Variants in NEB observed in about 807,000 individuals in gnomAD.
NEB encodes nemaline myopathy type 2.
In NEB, 512 loss-of-function variants were observed where a neutral mutation model predicts 952.2. The observed-to-expected ratio is 0.54, with a 90% CI of 0.50 to 0.58. The LOEUF (loss-of-function observed/expected upper bound fraction) is 0.58, where lower values mean the gene tolerates loss of function less well. Among genes scored for constraint, NEB ranks in the 20% least tolerant of loss-of-function variants. The pLI, the probability that NEB is intolerant of heterozygous loss-of-function variation, is 0.00. For missense variants in NEB, 8,428 were observed against 9,231.1 expected, an observed-to-expected ratio of 0.91 and a Z score of 3.56; for synonymous variants, 2,900 against 3,149.8, an observed-to-expected ratio of 0.92 and a Z score of 2.66.
chr2:151,504,505 T>C (rs2067231475), intron 165 of NEB, among the ~76,000 whole-genome samples: 1 of 152,166 alleles, frequency 6.6e-6, no homozygotes, highest in African/African-American at 2.4e-5. Flanking sequence ...AGGAAATCTG[T>C]ACCACAGAGT....
At chr2:151,492,048 C>T (rs1330210790) in intron 178 of NEB, 50 bp downstream of exon 178, 1 of 1,568,504 alleles carries the variant, frequency 6.4e-7, no homozygotes. Flanking sequence ...TTTTGTTCTT[C>T]TACCCCCTCA....
At chr2:151,695,073 C>A (rs1420150962) in intron 18 of NEB, among the ~76,000 whole-genome samples, 1 of 152,034 alleles carries the variant, frequency 6.6e-6, no homozygotes, top group Admixed American at 6.6e-5. Context: ...AAATTGAGAA[C>A]CCCAAGGATA....
chr2:151,647,711 T>C (rs1220482653), intron 54 of NEB, among the ~76,000 whole-genome samples: 1 of 152,210 alleles, frequency 6.6e-6, no homozygotes, highest in Non-Finnish European at 1.5e-5. Context: ...AACTGACCTA[T>C]GTTCTTTACG....
chr2:151,670,980 G>A (rs1246136727), intron 38 of NEB, 43 bp downstream of exon 38: 2 of 1,562,196 alleles, frequency 1.3e-6, no homozygotes, highest in Non-Finnish European at 1.8e-6. Context: ...TCAGACACGT[G>A]TGGTTATTTA....
At chr2:151,552,126 A>T (rs1476966781) in intron 128 of NEB, among the ~76,000 whole-genome samples, 1 of 152,182 alleles carries the variant, frequency 6.6e-6, no homozygotes, top group South Asian at 2.1e-4. Flanking sequence ...ATATTGACTT[A>T]CCAACCTGTG....
intron 58 of NEB, 137 bp downstream of exon 58, chr2:151,643,013 T>C: frequency 8.6e-7 from 1 of 1,166,378 alleles, no homozygotes; most frequent in South Asian, 1.5e-5. Context: ...CTTGTGTCAA[T>C]AAGAAGCACA....
At chr2:151,644,431 G>A (rs2098928254) in intron 56 of NEB, 37 bp downstream of exon 56, 1 of 1,530,074 alleles carries the variant, frequency 6.5e-7, no homozygotes, top group African/African-American at 1.4e-5. Flanking sequence ...GTGATAAATT[G>A]CAATCAAATC....
intron 76 of NEB, 75 bp from the exon 77 acceptor site, chr2:151,614,662 T>C: frequency 1.4e-6 from 2 of 1,454,538 alleles, no homozygotes; most frequent in Admixed American, 2.0e-5. Flanking sequence ...ACATTCACAT[T>C]GTTTCTTTTT....
rs776622418 is a variant in NEB, at chr2:151,618,494, T to C, written c.10873-16A>G. ...TATACAAATTCTGCAGATCAACAGA[T>C]AAGAAACAGATTTATTAATTAGTGT... On this transcript the variant is annotated splice_polypyrimidine_tract_variant and intron_variant, in intron 73 of 181. Coordinates refer to ENST00000397345, the MANE Select transcript of NEB (RefSeq NM_001164508.2). The C allele has an allele frequency of 4.4e-6, 7 of 1,605,440 alleles. No individual in the cohort carries two copies. The South Asian group carries it at 6.6e-5, about 15-fold the overall frequency.
At position 151,695,622 on chromosome 2, in the gene NEB, G is replaced by C; in HGVS notation, c.1630C>G (p.Pro544Ala). 1 of 1,613,938 alleles carries C rather than the reference G, an allele frequency of 6.2e-7. No homozygotes were observed. Among genetic ancestry groups the C allele is most frequent in the South Asian group, 1.1e-5 (1 of 91,064 alleles). The change falls in exon 18 of 182, where the codon CCT becomes GCT. Residue 544 changes from proline (P) to alanine (A), a missense_variant. Coordinates refer to ENST00000397345, the MANE Select transcript of NEB (RefSeq NM_001164508.2). ...KFKCHIPPDTPAFIQHKVNAY... is the reference protein window; with the variant it reads ...KFKCHIPPDTAAFIQHKVNAY... Reference sequence around the variant, plus strand: ...TTGACTTTGTGCTGGATAAAAGCAGGAGTATCAGGGGGGATATGGCACTTG... The same window carrying C: ...TTGACTTTGTGCTGGATAAAAGCAGCAGTATCAGGGGGGATATGGCACTTG...
chr2:151,657,741 A>G (rs1209592345), intron 48 of NEB, among the ~76,000 whole-genome samples: 2 of 152,208 alleles, frequency 1.3e-5, no homozygotes, highest in Non-Finnish European at 2.9e-5. Flanking sequence ...TGACAGATTC[A>G]AAGTAAGTTT....
At position 151,680,785 on chromosome 2, in the gene NEB, A is replaced by T. The variant is rs753691207; in HGVS notation, c.2987T>A (p.Ile996Asn). 4.3e-6 allele frequency: 7 copies of T among 1,613,504 alleles called. No individual in the cohort carries two copies. In the South Asian group the frequency reaches 7.7e-5, roughly 18 times the overall value. The change falls in exon 30 of 182, where the codon ATT (isoleucine) becomes AAT (asparagine). Residue 996 changes from isoleucine to asparagine, a missense_variant. Coordinates refer to ENST00000397345, the MANE Select transcript of NEB (RefSeq NM_001164508.2). ...CTGTACTGTAATTGGAGCATCTTCA[A>T]TCGAGGTAAACTTGAGGGTGTCTGG... ...QHPDTLKFTS[I>N]EDAPITVQSK... is the part of the protein sequence containing the mutation.
Position 151,547,642 on chromosome 2 carries a change from CA to C in NEB, c.20253del (p.Val6752SerfsTer4). 2 of 1,613,714 alleles carry C rather than the reference CA, an allele frequency of 1.2e-6. No individual in the cohort carries two copies. Among genetic ancestry groups the C allele is most frequent in the Non-Finnish European group, 1.7e-6 (2 of 1,179,706 alleles). On this transcript the variant is annotated frameshift_variant, in exon 132 of 182. Coordinates refer to ENST00000397345, the MANE Select transcript of NEB (RefSeq NM_001164508.2). LOFTEE classifies it high-confidence loss of function. ...CCTAAGAAAATACCCACCTCACTGA[CA>C]GCCTCTTGTGTCTTCTTGACTTGGC... ...EIRQVKKTQE[A>X]VSELIYKSDF...
intron 170 of NEB, 136 bp downstream of exon 170, chr2:151,498,124 A>T (rs1052753805): frequency 6.6e-7 from 1 of 1,511,716 alleles, no homozygotes; most frequent in Non-Finnish European, 8.9e-7. Context: ...TAGAAATGGG[A>T]AAGTATATCC....
At chr2:151,653,821 A>G (rs958640386) in intron 52 of NEB, among the ~76,000 whole-genome samples, 171 bp downstream of exon 52, 2 of 152,190 alleles carry the variant, frequency 1.3e-5, no homozygotes, top group Admixed American at 6.6e-5. Context: ...CCCTTTTGAC[A>G]TATGAACAGT....
intron 24 of NEB, chr2:151,689,788 T>C (rs970564195): frequency 1.3e-5 from 2 of 152,238 alleles, no homozygotes; most frequent in South Asian, 2.1e-4. Flanking sequence ...TGTTAGTGTT[T>C]AGCTGTTCTT....
chr2:151,573,411 A>G (rs1411447892), intron 107 of NEB, among the ~76,000 whole-genome samples: 1 of 152,192 alleles, frequency 6.6e-6, no homozygotes, highest in African/African-American at 2.4e-5. Flanking sequence ...ATGCCTATGG[A>G]TTGAGTGGGA....
Position 151,519,011 on chromosome 2 carries a change from G to GGAC in NEB, c.22648_22649insGTC (p.Ser7550delinsCysPro). ...ATTCAGGACATGATTCATGATCAGA[G>GGAC]ACTCCTTCATGTCAGTCACGGGTTT... On this transcript the variant is annotated protein_altering_variant, in exon 155 of 182. Transcript: ENST00000397345. The GGAC allele has an allele frequency of 6.2e-7, 1 of 1,613,704 alleles. No individual in the cohort carries two copies. Among genetic ancestry groups the GGAC allele is most frequent in the Non-Finnish European group, 8.5e-7 (1 of 1,179,680 alleles).
At chr2:151,614,176 A>G (rs2098118255) in intron 77 of NEB, 100 bp downstream of exon 77, 1 of 1,307,310 alleles carries the variant, frequency 7.6e-7, no homozygotes. Flanking sequence ...TATCCTAAAG[A>G]GGTGTCTGTA....
Sources: allele counts gnomAD v4.1 joint callset (sites outside exome capture counted in the v4.1 genomes callset), GRCh38; gene constraint gnomAD v4.1.1; transcripts MANE v1.5; gene names NCBI Gene and HGNC (gene_info 2026-07-23, HGNC 2026-07-21).